The following ZBTB25 variants were observed in gnomAD, a reference collection of about 807,000 sequenced individuals.
ZBTB25 encodes zinc finger and BTB domain-containing protein 25.
Under a neutral mutation model 34.2 loss-of-function variants are expected in ZBTB25, and 20 were observed. That is an observed-to-expected ratio of 0.58 (90% CI 0.41 to 0.85). The LOEUF is 0.85. ZBTB25 is among the 40% of genes least tolerant of loss of function. The pLI, the probability that ZBTB25 is intolerant of heterozygous loss-of-function variation, is 0.00. For missense variants in ZBTB25, 437 were observed against 521.8 expected (o/e 0.84, Z 1.58); for synonymous variants, 175 against 186.4 (o/e 0.94, Z 0.50).
At chr14:64,474,294 T>C (rs1027938763), downstream of ZBTB25, 5 of 167,092 alleles carry the variant, frequency 3.0e-5, no homozygotes, top group African/African-American at 1.2e-4. Context: ...AAAGCCTGCA[T>C]AGTGTTACAT....
At chr14:64,469,067 A>G in intron 2 of ZBTB25, 1 of 1,614,128 alleles carries the variant, frequency 6.2e-7, no homozygotes, top group South Asian at 1.1e-5. Flanking sequence ...TGCTATTCAA[A>G]CGGGAACTCT....
Position 64,485,451 on chromosome 14 carries a change from T to C in ZBTB25, c.*1472A>G. 1 of 985,392 alleles carries C rather than the reference T, an allele frequency of 1.0e-6. No homozygotes were observed. Among genetic ancestry groups the C allele is most frequent in the Non-Finnish European group, 1.2e-6 (1 of 829,868 alleles). The allele number at this position is 985,392 out of a possible 1,614,324, so 61.0% of individuals were successfully genotyped here. A position where few individuals can be genotyped will look rare whatever the true frequency, so the allele number is the denominator to read the frequency against. On this transcript the variant is annotated 3_prime_UTR_variant, in exon 3 of 3. Coordinates refer to ENST00000608382, the MANE Select transcript of ZBTB25 (RefSeq NM_006977.5). ...AGAAACAATTTAGATCTATCCTTTG[T>C]GGTGAAGCTTAACCAGCTATTTCCC... is the stretch of plus-strand genomic sequence containing the variant.
rs1291024127 is a variant in ZBTB25 at position 64,481,799 on chromosome 14, A to G, written c.*5124T>C. 1 of 152,248 alleles carries G rather than the reference A, an allele frequency of 6.6e-6. No individual in the cohort carries two copies. The highest frequency in any genetic ancestry group is 1.5e-5 in the Non-Finnish European group (1 of 68,042). 9.4% of individuals were successfully genotyped at this position (152,248 alleles called of 1,614,324 possible). On this transcript the variant is annotated 3_prime_UTR_variant, in exon 3 of 3. Transcript: ENST00000608382. The stretch of plus-strand genomic sequence containing the variant: ...AACCATACAAACACAGAAGTACAGC[A>G]GAGAGAAATCATTTACAGACTTCAC...
intron 2 of ZBTB25, chr14:64,472,300 G>A (rs2078681243): frequency 6.0e-6 from 1 of 166,956 alleles, no homozygotes; most frequent in African/African-American, 2.4e-5. Context: ...TTTACTGCAA[G>A]GATGCCTCCA....
chr14:64,499,951 A>G (rs1266538364), intron 1 of ZBTB25, among the ~76,000 whole-genome samples: 1 of 152,260 alleles, frequency 6.6e-6, no homozygotes, highest in Non-Finnish European at 1.5e-5. Flanking sequence ...TGGCAGACAT[A>G]GCCAACCTCC....
Position 64,501,233 on chromosome 14 carries a change from T to C in ZBTB25, c.-8+2428A>G, listed in dbSNP as rs146402413. Among the ~76,000 whole-genome samples the C allele has an allele frequency of 4.3e-3, 649 of 152,324 alleles. 18 individuals are homozygous for C. Among genetic ancestry groups the C allele is most frequent in the Admixed American group, 0.035 (540 of 15,304 alleles). ...TTATTTTCAAAACCTATTATTATAA[T>C]AAATACTATATGCGAGGCCTTGTGC... On this transcript the variant is annotated intron_variant, in intron 1 of 2. Transcript: ENST00000608382.
In ZBTB25 at chr14:64,485,172, G is replaced by T. The variant is rs1042905637; in HGVS notation, c.*1751C>A. ...CTGTTTACCTAGAGAAAACCTTTGTGTCCTTAGAATTAGCTGGATTACTCT... is the reference window on the plus strand; with the variant it reads ...CTGTTTACCTAGAGAAAACCTTTGTTTCCTTAGAATTAGCTGGATTACTCT... On this transcript the variant is annotated 3_prime_UTR_variant, in exon 3 of 3. Transcript: ENST00000608382. 1.2e-5 allele frequency: 12 copies of T among 985,268 alleles called. No homozygotes were observed. The highest frequency in any genetic ancestry group is 5.2e-5 in the African/African-American group (3 of 57,210). The allele number at this position is 985,268 out of a possible 1,614,324, so 61.0% of individuals were successfully genotyped here. A position where few individuals can be genotyped will look rare whatever the true frequency, so the allele number is the denominator to read the frequency against.
chr14:64,465,191 C>T (rs761534346), intron 2 of ZBTB25, among the ~76,000 whole-genome samples: 8 of 152,172 alleles, frequency 5.3e-5, no homozygotes, highest in Non-Finnish European at 1.0e-4. Flanking sequence ...TCTCAGAAAA[C>T]GCGGGGTTCA....
Sources: gnomAD v4.1 joint callset for allele counts (sites outside exome capture counted in the v4.1 genomes callset) on GRCh38, gnomAD v4.1.1 for gene constraint, MANE v1.5 for transcripts, NCBI Gene and HGNC (gene_info 2026-07-23, HGNC 2026-07-21) for gene names.